The following CALN1 variants were observed in gnomAD, a reference collection of about 807,000 sequenced individuals.
CALN1 encodes calneuron 1, also known as calcium-binding protein 8.
In CALN1, 17 loss-of-function variants were observed where a neutral mutation model predicts 30.6. That is an observed-to-expected ratio of 0.56 (90% CI 0.38 to 0.83). CALN1 has a LOEUF of 0.83. CALN1 is among the 40% of genes least tolerant of loss of function. CALN1 has a pLI of 0.00. For synonymous variants in CALN1, 156 were observed against 131.4 expected, an observed-to-expected ratio of 1.19 and a Z score of -1.28; for missense variants, 291 against 354.9, an observed-to-expected ratio of 0.82 and a Z score of 1.45.
chr7:71,959,761 T>C (rs1187835343), intron 5 of CALN1, among the ~76,000 whole-genome samples: 1 of 152,114 alleles, frequency 6.6e-6, no homozygotes, highest in East Asian at 1.9e-4. Flanking sequence ...AGGACTAGAA[T>C]CTATTTCTAG....
At chr7:72,390,828 T>G (rs1805533916) in intron 2 of CALN1, among the ~76,000 whole-genome samples, 1 of 152,254 alleles carries the variant, frequency 6.6e-6, no homozygotes, top group African/African-American at 2.4e-5. Flanking sequence ...ATTTGTTCTG[T>G]TTAGTATTTT....
chr7:71,926,332 C>G (rs1406638187), intron 5 of CALN1, among the ~76,000 whole-genome samples: 2 of 152,164 alleles, frequency 1.3e-5, no homozygotes, highest in Non-Finnish European at 2.9e-5. Context: ...AGCCAGCACT[C>G]CAGAAAGTTA....
chr7:72,170,545 C>T (rs1249119978), intron 3 of CALN1, among the ~76,000 whole-genome samples: 2 of 152,162 alleles, frequency 1.3e-5, no homozygotes, highest in Non-Finnish European at 2.9e-5. Flanking sequence ...TCAACCTGGA[C>T]GTTAGGGCCA....
intron 5 of CALN1, among the ~76,000 whole-genome samples, chr7:72,012,988 G>C (rs956183076): frequency 1.3e-5 from 2 of 152,182 alleles, no homozygotes; most frequent in Admixed American, 6.6e-5. Flanking sequence ...AGTAGAGACA[G>C]GGTTTTACCA....
At position 72,412,317 on chromosome 7, in the gene CALN1, G is replaced by C. The variant is rs747156572; in HGVS notation, c.-333C>G. The C allele has an allele frequency of 4.6e-5, 7 of 152,094 alleles. No homozygotes were observed. Among genetic ancestry groups the C allele is most frequent in the African/African-American group, 7.2e-5 (3 of 41,394 alleles). The allele number at this position is 152,094 out of a possible 1,614,324, so 9.4% of individuals were successfully genotyped here. ...GAAAGAAAAAAACACAAACTCAAGC[G>C]GATAGCACCCCAGCGAGCTTCCCCA... On this transcript the variant is annotated 5_prime_UTR_variant, in exon 1 of 7. Transcript: ENST00000395275.
At chr7:71,992,517 C>T (rs565217883) in intron 5 of CALN1, among the ~76,000 whole-genome samples, 9 of 152,204 alleles carry the variant, frequency 5.9e-5, no homozygotes, top group African/African-American at 9.6e-5. Flanking sequence ...TCACCATGCC[C>T]GCTAAGTTTT....
In CALN1 at chr7:72,266,266, GAA is replaced by G. The variant is rs1236176321; in HGVS notation, c.244+12418_244+12419del. ...ACTATTACTAGAAGAAGTATGTTTT[GAA>G]AAAGTCCACAGAAATTTGATAGTGA... On this transcript the variant is annotated intron_variant, in intron 3 of 6. Coordinates refer to ENST00000395275, the MANE Select transcript of CALN1 (RefSeq NM_031468.4). Among the ~76,000 whole-genome samples the G allele has an allele frequency of 2.0e-5, 3 of 152,170 alleles. No homozygotes were observed. In the South Asian group the frequency reaches 6.2e-4, roughly 32 times the overall value.
intron 5 of CALN1, among the ~76,000 whole-genome samples, chr7:72,007,490 T>A (rs993642098): frequency 6.6e-6 from 1 of 152,194 alleles, no homozygotes; most frequent in East Asian, 1.9e-4. Flanking sequence ...GAGATTGCAA[T>A]GAGCCTGGAT....
chr7:71,782,917 AT>A lies in CALN1; in HGVS notation c.*4857del, dbSNP rs540894201. ...GACACCATGCTTGGCTAATTTTTGT[AT>A]TTTTTTTTTTTAGTAGAGATGGGGT... is the stretch of plus-strand genomic sequence containing the variant. On this transcript the variant is annotated 3_prime_UTR_variant, in exon 7 of 7. Coordinates refer to ENST00000395275, the MANE Select transcript of CALN1 (RefSeq NM_031468.4). 1.9e-3 allele frequency: 267 copies of A among 142,240 alleles called. No homozygotes were observed. The highest frequency in any genetic ancestry group is 7.0e-3 in the Middle Eastern group (2 of 284). 8.8% of individuals were successfully genotyped at this position (142,240 alleles called of 1,614,324 possible).
intron 4 of CALN1, among the ~76,000 whole-genome samples, chr7:72,049,273 T>C (rs368147842): frequency 1.3e-5 from 2 of 151,948 alleles, no homozygotes; most frequent in Non-Finnish European, 2.9e-5. Flanking sequence ...AGAAAGATAA[T>C]ACATGAAACA....
At chr7:72,036,186 C>A (rs1321944310) in intron 4 of CALN1, among the ~76,000 whole-genome samples, 1 of 152,180 alleles carries the variant, frequency 6.6e-6, no homozygotes, top group African/African-American at 2.4e-5. Context: ...CTTCTGGCAT[C>A]CAAAGTTTCT....
chr7:72,171,997 G>GA (rs1414034890), intron 3 of CALN1, among the ~76,000 whole-genome samples: 2 of 152,116 alleles, frequency 1.3e-5, no homozygotes, highest in African/African-American at 4.8e-5. Context: ...GAGAATTGAT[G>GA]AAAGCAGGAA....
At chr7:71,890,742 C>A (rs921261110) in intron 5 of CALN1, among the ~76,000 whole-genome samples, 1 of 117,786 alleles carries the variant, frequency 8.5e-6, no homozygotes. Flanking sequence ...ATTTTGTTTT[C>A]TAGCTTTTTT....
At chr7:72,380,493 C>A (rs562592101) in intron 2 of CALN1, among the ~76,000 whole-genome samples, 2 of 152,136 alleles carry the variant, frequency 1.3e-5, no homozygotes, top group African/African-American at 4.8e-5. Flanking sequence ...CATGGTGGTG[C>A]GCATCTGTAG....
intron 6 of CALN1, among the ~76,000 whole-genome samples, chr7:71,799,715 A>T (rs1398390893): frequency 6.6e-6 from 1 of 152,076 alleles, no homozygotes; most frequent in Non-Finnish European, 1.5e-5. Context: ...ACCTCAAGTG[A>T]TCCACCGGCC....
chr7:71,837,243 CAAAAAAAAAA>C (rs55977265), intron 5 of CALN1, among the ~76,000 whole-genome samples: 2 of 79,124 alleles, frequency 2.5e-5, no homozygotes, highest in African/African-American at 4.9e-5. Flanking sequence ...AAAAAAAAGA[CAAAAAAAAAA>C]AAAAAAAAAA....
chr7:72,315,104 C>A (rs12537060), intron 2 of CALN1, among the ~76,000 whole-genome samples: 4 of 151,838 alleles, frequency 2.6e-5, no homozygotes, highest in Admixed American at 6.6e-5. Context: ...GAGCTATGAT[C>A]GCACCACTGC....
intron 5 of CALN1, among the ~76,000 whole-genome samples, chr7:71,912,482 C>A (rs1291855230): frequency 2.0e-5 from 3 of 152,166 alleles, no homozygotes; most frequent in Non-Finnish European, 4.4e-5. Flanking sequence ...ACCGGCCACA[C>A]ACACAATTCG....
At chr7:72,195,542 A>AT (rs199574895) in intron 3 of CALN1, among the ~76,000 whole-genome samples, 2 of 152,128 alleles carry the variant, frequency 1.3e-5, no homozygotes, top group Admixed American at 6.6e-5. Flanking sequence ...TTCCTGGCTA[A>AT]TTTTTAAAAA....
Sources: gnomAD v4.1 joint callset for allele counts (sites outside exome capture counted in the v4.1 genomes callset) on GRCh38, gnomAD v4.1.1 for gene constraint, MANE v1.5 for transcripts, NCBI Gene and HGNC (gene_info 2026-07-23, HGNC 2026-07-21) for gene names.